FOXN3: variants seen among roughly 807,000 people sequenced by gnomAD.
FOXN3 encodes the protein forkhead box N3.
In FOXN3, 7 loss-of-function variants were observed where a neutral mutation model predicts 38.4. The observed-to-expected ratio is 0.18, with a 90% CI of 0.10 to 0.34. The LOEUF (loss-of-function observed/expected upper bound fraction) is 0.34. Among genes scored for constraint, FOXN3 ranks in the 10% least tolerant of loss-of-function variants. The pLI, the probability that FOXN3 is intolerant of heterozygous loss-of-function variation, is 1.00. For synonymous variants in FOXN3, 230 were observed against 242.2 expected, an observed-to-expected ratio of 0.95 and a Z score of 0.47; for missense variants, 456 against 613.4, an observed-to-expected ratio of 0.74 and a Z score of 2.71.
intron 1 of FOXN3, among the ~76,000 whole-genome samples, chr14:89,490,047 C>G (rs1893541172): frequency 6.6e-6 from 1 of 152,212 alleles, no homozygotes; most frequent in Admixed American, 6.5e-5. Context: ...TCCCTGTCTG[C>G]AAGGTCGGAG....
chr14:89,187,462 G>A (rs1229872395), intron 4 of FOXN3, among the ~76,000 whole-genome samples: 6 of 152,218 alleles, frequency 3.9e-5, no homozygotes, highest in Non-Finnish European at 8.8e-5. Context: ...TACATAGGCT[G>A]CCCACACACC....
chr14:89,406,678 C>G (rs1891396603), intron 2 of FOXN3, among the ~76,000 whole-genome samples: 2 of 152,028 alleles, frequency 1.3e-5, no homozygotes, highest in African/African-American at 4.8e-5. Context: ...GTATTTAAAG[C>G]ACTCAGCTCT....
At chr14:89,415,294 C>G (rs1352649750) in intron 1 of FOXN3, among the ~76,000 whole-genome samples, 1 of 152,164 alleles carries the variant, frequency 6.6e-6, no homozygotes, top group Non-Finnish European at 1.5e-5. Flanking sequence ...TGACAACATG[C>G]TGCTCTCTTT....
chr14:89,442,681 G>A (rs538871983), intron 1 of FOXN3, among the ~76,000 whole-genome samples: 35 of 152,216 alleles, frequency 2.3e-4, no homozygotes, highest in Non-Finnish European at 4.3e-4. Context: ...CATGGCCCAC[G>A]GGATGACTGG....
At chr14:89,229,467 AG>A (rs1884740344) in intron 4 of FOXN3, among the ~76,000 whole-genome samples, 1 of 152,190 alleles carries the variant, frequency 6.6e-6, no homozygotes, top group African/African-American at 2.4e-5. Context: ...GGGACAGAAA[AG>A]AACAACAAAG....
intron 4 of FOXN3, among the ~76,000 whole-genome samples, chr14:89,259,465 A>G (rs1885729856): frequency 6.6e-6 from 1 of 152,180 alleles, no homozygotes; most frequent in African/African-American, 2.4e-5. Flanking sequence ...TAGAATTTAC[A>G]ATATTAATTT....
chr14:89,614,372 A>G (rs968675348), intron 1 of FOXN3, among the ~76,000 whole-genome samples: 1 of 152,188 alleles, frequency 6.6e-6, no homozygotes, highest in African/African-American at 2.4e-5. Flanking sequence ...TTTATAAGTA[A>G]CCCCTAAAAA....
chr14:89,190,552 A>C lies in FOXN3; in HGVS notation c.746-9746T>G, dbSNP rs146800123. ...AGTTTATGAATGCAACAGAGAAAAA[A>C]AAAATATCCAGCAACTGGATGAGCT... On this transcript the variant is annotated intron_variant, in intron 4 of 5. Coordinates refer to ENST00000557258, the MANE Select transcript of FOXN3 (RefSeq NM_005197.4). 4,884 of 857,688 alleles carry C rather than the reference A, an allele frequency of 5.7e-3. 409 individuals carry two copies. In the Admixed American group the frequency reaches 0.12, roughly 21 times the overall value. The allele number at this position is 857,688 out of a possible 1,614,324, so 53.1% of individuals were successfully genotyped here.
chr14:89,392,343 C>T (rs1197959179), intron 2 of FOXN3, among the ~76,000 whole-genome samples: 7 of 152,214 alleles, frequency 4.6e-5, no homozygotes, highest in Non-Finnish European at 7.3e-5. Context: ...AAACTCATAA[C>T]TCACTGCTAC....
At position 89,287,834 on chromosome 14, in the gene FOXN3, TGA is replaced by T. The variant is rs1373069236; in HGVS notation, c.681-6822_681-6821del. 4.0e-5 allele frequency among the ~76,000 whole-genome samples: 6 copies of T among 151,096 alleles called. No homozygotes were observed. In the South Asian group the frequency reaches 1.0e-3, roughly 26 times the overall value. ...GGGAGGTCTAGGCAGGAAGATCACT[TGA>T]GCCCAGGAGTTTGAGACCAGCCTGG... is the stretch of plus-strand genomic sequence containing the variant. On this transcript the variant is annotated intron_variant, in intron 3 of 5. Transcript: ENST00000557258.
intron 3 of FOXN3, chr14:89,290,745 C>T (rs558570119): frequency 6.2e-6 from 2 of 322,426 alleles, no homozygotes; most frequent in Middle Eastern, 5.7e-4. Context: ...AGCCTGCAGG[C>T]TGGGATTCTT....
intron 2 of FOXN3, among the ~76,000 whole-genome samples, chr14:89,390,490 TAAAAA>T (rs376776864): frequency 2.3e-5 from 3 of 130,176 alleles, no homozygotes; most frequent in Non-Finnish European, 4.9e-5. Flanking sequence ...AGCTGCTTTT[TAAAAA>T]AAAAAAAAAA....
chr14:89,275,503 G>A (rs1442418123), intron 4 of FOXN3, among the ~76,000 whole-genome samples: 1 of 152,182 alleles, frequency 6.6e-6, no homozygotes, highest in Non-Finnish European at 1.5e-5. Flanking sequence ...ACCAAGTGAA[G>A]GGTTGAGACC....
chr14:89,251,955 G>A (rs953955300), intron 4 of FOXN3, among the ~76,000 whole-genome samples: 1 of 152,170 alleles, frequency 6.6e-6, no homozygotes, highest in Non-Finnish European at 1.5e-5. Context: ...TTTGCTTTGC[G>A]ATAAACTAGC....
chr14:89,362,782 ACCACCACCATCTCCACCACCACCT>A (rs1889918488), intron 2 of FOXN3, among the ~76,000 whole-genome samples: 1 of 97,680 alleles, frequency 1.0e-5, no homozygotes, highest in Non-Finnish European at 2.1e-5. Context: ...CACCACCACC[ACCACCACCATCTCCACCACCACCT>A]CCACCACCAC....
chr14:89,505,399 C>T (rs891806129), intron 1 of FOXN3, among the ~76,000 whole-genome samples: 3 of 151,918 alleles, frequency 2.0e-5, no homozygotes, highest in Admixed American at 6.5e-5. Context: ...CTCAGCCTGC[C>T]GAGTGCCTGC....
intron 2 of FOXN3, among the ~76,000 whole-genome samples, chr14:89,402,475 T>C (rs1179131506): frequency 6.6e-6 from 1 of 152,212 alleles, no homozygotes; most frequent in African/African-American, 2.4e-5. Flanking sequence ...AGTTCCAAGT[T>C]TGCTTGGCAA....
intron 2 of FOXN3, among the ~76,000 whole-genome samples, chr14:89,387,978 T>C (rs910442341): frequency 6.6e-6 from 1 of 152,136 alleles, no homozygotes; most frequent in Non-Finnish European, 1.5e-5. Context: ...CGGTCACAAG[T>C]TCAAGACCAG....
chr14:89,194,925 T>C (rs1047300956), intron 4 of FOXN3, among the ~76,000 whole-genome samples: 13 of 152,318 alleles, frequency 8.5e-5, no homozygotes, highest in Admixed American at 4.6e-4. Context: ...AAAATAGCTT[T>C]ATATGGAAAA....
Sources: allele counts gnomAD v4.1 joint callset (sites outside exome capture counted in the v4.1 genomes callset), GRCh38; gene constraint gnomAD v4.1.1; transcripts MANE v1.5; gene names NCBI Gene and HGNC (gene_info 2026-07-23, HGNC 2026-07-21).